SULT6B1: variants seen among roughly 807,000 people sequenced by gnomAD.
The protein encoded by SULT6B1 is sulfotransferase 6B1.
In SULT6B1, 44 loss-of-function variants were observed where a neutral mutation model predicts 37.2. The ratio of observed to expected loss-of-function variants is 1.18; its 90% confidence interval spans 0.93 to 1.52. The LOEUF (loss-of-function observed/expected upper bound fraction) is 1.52, where lower values mean the gene tolerates loss of function less well. Among genes scored for constraint, SULT6B1 ranks in the 40% most tolerant of loss-of-function variants. The pLI is 0.00. For synonymous variants in SULT6B1, 140 were observed against 126.0 expected (o/e 1.11, Z -0.74); for missense variants, 450 against 361.0 (o/e 1.25, Z -2.00).
intron 3 of SULT6B1, among the ~76,000 whole-genome samples, chr2:37,180,710 C>A (rs1676531541): frequency 1.3e-5 from 2 of 152,028 alleles, no homozygotes; most frequent in Admixed American, 1.3e-4. Flanking sequence ...ATGGGGAAAC[C>A]CTGGTGCTAC....
In SULT6B1 at chr2:37,171,593, G is replaced by A. The variant is rs925783502; in HGVS notation, c.625-3C>T. 14 of 1,607,514 alleles carry A rather than the reference G, an allele frequency of 8.7e-6. No homozygotes were observed. Among genetic ancestry groups the A allele is most frequent in the Non-Finnish European group, 1.2e-5 (14 of 1,178,158 alleles). ...TGTTTTATTCCAGCAGCCAGATTCT[G>A]TAAAAAAATTTTCTTAAAGATAAAT... is the stretch of plus-strand genomic sequence containing the variant. On this transcript the variant is annotated splice_region_variant and splice_polypyrimidine_tract_variant and intron_variant, in intron 5 of 6. Transcript: ENST00000535679.
chr2:37,179,696 T>C, intron 3 of SULT6B1, 112 bp from the exon 4 acceptor site: 1 of 946,118 alleles, frequency 1.1e-6, no homozygotes, highest in Non-Finnish European at 1.5e-6. Flanking sequence ...ATTGTGTTAA[T>C]ATATAGAGAA....
At chr2:37,189,627 T>G (rs1002236367), upstream of SULT6B1, among the ~76,000 whole-genome samples, 1 of 152,198 alleles carries the variant, frequency 6.6e-6, no homozygotes, top group African/African-American at 2.4e-5. Flanking sequence ...CATGCCCATC[T>G]GAGGCTTTCT....
intron 2 of SULT6B1, among the ~76,000 whole-genome samples, chr2:37,184,220 C>G (rs1676621823): frequency 6.6e-6 from 1 of 152,126 alleles, no homozygotes; most frequent in South Asian, 2.1e-4. Context: ...TTCCACAGTT[C>G]CTGCGAATCC....
At chr2:37,177,972 A>G (rs1358502917) in intron 4 of SULT6B1, among the ~76,000 whole-genome samples, 1 of 152,220 alleles carries the variant, frequency 6.6e-6, no homozygotes, top group Non-Finnish European at 1.5e-5. Flanking sequence ...TAAAAAAAGG[A>G]ATCAGTTACT....
chr2:37,177,370 C>A (rs1158367264), intron 4 of SULT6B1, among the ~76,000 whole-genome samples: 3 of 141,818 alleles, frequency 2.1e-5, no homozygotes, highest in Non-Finnish European at 4.5e-5. Flanking sequence ...GTGAGCCTTG[C>A]CGCTACACTC....
intron 2 of SULT6B1, among the ~76,000 whole-genome samples, chr2:37,185,369 G>A (rs144773096): frequency 1.1e-4 from 16 of 152,230 alleles, no homozygotes; most frequent in African/African-American, 3.6e-4. Flanking sequence ...AAAGTTCTCT[G>A]TAAAGCAAAT....
intron 4 of SULT6B1, among the ~76,000 whole-genome samples, chr2:37,179,015 G>A (rs961263235): frequency 6.6e-6 from 1 of 152,172 alleles, no homozygotes; most frequent in African/African-American, 2.4e-5. Context: ...CTGGAGTGCA[G>A]TGGCGCCATC....
chr2:37,186,840 G>A (rs940493479), intron 2 of SULT6B1, among the ~76,000 whole-genome samples: 28 of 152,148 alleles, frequency 1.8e-4, no homozygotes, highest in Admixed American at 1.0e-3. Flanking sequence ...AGGCTGCAGT[G>A]AGCCATGATC....
At chr2:37,181,468 C>T (rs946200667) in intron 3 of SULT6B1, among the ~76,000 whole-genome samples, 2 of 152,136 alleles carry the variant, frequency 1.3e-5, no homozygotes, top group African/African-American at 4.8e-5. Flanking sequence ...GCAACCTCTG[C>T]CTCCTGGGCT....
chr2:37,176,002 G>A (rs1262032621), intron 4 of SULT6B1, among the ~76,000 whole-genome samples: 3 of 152,014 alleles, frequency 2.0e-5, no homozygotes, highest in African/African-American at 7.3e-5. Flanking sequence ...GAGAAATTTA[G>A]TTCCTTGGCA....
intron 2 of SULT6B1, among the ~76,000 whole-genome samples, chr2:37,185,316 C>A (rs1327147230): frequency 1.3e-5 from 2 of 152,074 alleles, no homozygotes; most frequent in African/African-American, 4.8e-5. Flanking sequence ...CAAATGTGAG[C>A]AAAGACTAGA....
Position 37,177,454 on chromosome 2 carries a change from A to AAGAATAC in SULT6B1, c.529+1997_529+2003dup, listed in dbSNP as rs1433117273. ...AAAAAGAAAGAAAGAAAAAAAAGAG[A>AAGAATAC]AGAATACAGCATGTTTTCACTTATA... On this transcript the variant is annotated intron_variant, in intron 4 of 6. Coordinates refer to ENST00000535679, the MANE Select transcript of SULT6B1 (RefSeq NM_001367551.1). Among the ~76,000 whole-genome samples, 5 of 119,926 alleles carry AAGAATAC rather than the reference A, an allele frequency of 4.2e-5. No individual in the cohort carries two copies. In the Admixed American group the frequency reaches 4.9e-4, roughly 12 times the overall value. 78.7% of individuals were successfully genotyped at this position (119,926 alleles called of 152,430 possible).
At chr2:37,195,747 G>C (rs995896101) in intron 1 of SULT6B1, among the ~76,000 whole-genome samples, 2 of 151,812 alleles carry the variant, frequency 1.3e-5, no homozygotes, top group Non-Finnish European at 1.5e-5. Flanking sequence ...TGTCCCCTTC[G>C]CGCTTTCTCA....
chr2:37,168,120 A>G, intron 6 of SULT6B1, 55 bp from the exon 7 acceptor site: 1 of 1,482,260 alleles, frequency 6.7e-7, no homozygotes, highest in Non-Finnish European at 9.0e-7. Flanking sequence ...TTTCTTCATG[A>G]TTTTACCATT....
intron 3 of SULT6B1, among the ~76,000 whole-genome samples, chr2:37,180,832 C>T (rs554463846): frequency 6.6e-6 from 1 of 152,206 alleles, no homozygotes; most frequent in South Asian, 2.1e-4. Context: ...TGTCATGAGC[C>T]AAGATTGTGC....
intron 3 of SULT6B1, among the ~76,000 whole-genome samples, chr2:37,180,114 G>A (rs969306254): frequency 6.6e-6 from 1 of 152,134 alleles, no homozygotes; most frequent in Non-Finnish European, 1.5e-5. Context: ...AATAAACATC[G>A]TAAAGAACAA....
At chr2:37,178,935 G>A (rs761218763) in intron 4 of SULT6B1, among the ~76,000 whole-genome samples, 4 of 151,454 alleles carry the variant, frequency 2.6e-5, no homozygotes, top group African/African-American at 4.9e-5. Flanking sequence ...GTCAACATAC[G>A]ACTTGTCCAA....
At chr2:37,179,617 G>GCC (rs766652847) in intron 3 of SULT6B1, 33 bp from the exon 4 acceptor site, 10 of 1,602,444 alleles carry the variant, frequency 6.2e-6, no homozygotes, top group Non-Finnish European at 8.5e-6. Flanking sequence ...ATTTATTTGG[G>GCC]TCTATGTTTT....
Sources: gnomAD v4.1 joint callset for allele counts (sites outside exome capture counted in the v4.1 genomes callset) on GRCh38, gnomAD v4.1.1 for gene constraint, MANE v1.5 for transcripts, NCBI Gene and HGNC (gene_info 2026-07-23, HGNC 2026-07-21) for gene names.